LINGO2: variants seen among roughly 807,000 people sequenced by gnomAD.
The protein encoded by LINGO2 is leucine rich repeat and Ig domain containing 2.
LINGO2 carries 14 observed loss-of-function variants against 30.6 expected under a neutral mutation model. The ratio of observed to expected loss-of-function variants is 0.46; its 90% CI spans 0.30 to 0.72. The LOEUF (loss-of-function observed/expected upper bound fraction) is 0.72. LINGO2 is among the 30% of genes least tolerant of loss of function. The pLI, the probability that LINGO2 is intolerant of heterozygous loss-of-function variation, is 0.07. For missense variants in LINGO2, 729 were observed against 751.7 expected (o/e 0.97, Z 0.35); for synonymous variants, 317 against 288.5 (o/e 1.10, Z -1.00).
chr9:28,606,192 C>G (rs190046134), intron 1 of LINGO2, among the ~76,000 whole-genome samples: 1 of 151,936 alleles, frequency 6.6e-6, no homozygotes, highest in Non-Finnish European at 1.5e-5. Flanking sequence ...TAAATAGGGA[C>G]CATCTTTTAA....
At chr9:28,345,133 T>C (rs537790328) in intron 3 of LINGO2, among the ~76,000 whole-genome samples, 1 of 151,646 alleles carries the variant, frequency 6.6e-6, no homozygotes, top group African/African-American at 2.4e-5. Context: ...TACCTTGGAA[T>C]AGGGAATGAG....
intron 4 of LINGO2, among the ~76,000 whole-genome samples, chr9:28,275,189 C>T (rs1270192195): frequency 6.6e-6 from 1 of 152,086 alleles, no homozygotes; most frequent in East Asian, 1.9e-4. Flanking sequence ...CTGCCTCAGC[C>T]TCCCGAGTAG....
intron 1 of LINGO2, among the ~76,000 whole-genome samples, chr9:28,495,431 A>G (rs534947037): frequency 6.6e-5 from 10 of 152,316 alleles, no homozygotes; most frequent in East Asian, 3.9e-4. Context: ...AGCTTTCTAC[A>G]TATGGCTAGC....
the LINGO2 span, among the ~76,000 whole-genome samples, chr9:28,848,532 A>C: frequency 6.7e-6 from 1 of 149,306 alleles, no homozygotes; most frequent in Admixed American, 6.8e-5. Context: ...TTATTTTTCT[A>C]AGGCATTTCA....
chr9:28,693,243 T>C, the LINGO2 span, among the ~76,000 whole-genome samples: 1 of 152,142 alleles, frequency 6.6e-6, no homozygotes, highest in Non-Finnish European at 1.5e-5. Context: ...TGAGACATTT[T>C]AAACATACGA....
intron 4 of LINGO2, among the ~76,000 whole-genome samples, chr9:28,205,198 T>A (rs1329838336): frequency 6.6e-6 from 1 of 152,206 alleles, no homozygotes; most frequent in Non-Finnish European, 1.5e-5. Flanking sequence ...AAGAAATATT[T>A]GTGTTCAAAT....
intron 3 of LINGO2, among the ~76,000 whole-genome samples, chr9:28,298,472 C>T (rs1232918231): frequency 2.0e-5 from 3 of 149,452 alleles, no homozygotes; most frequent in Non-Finnish European, 4.4e-5. Flanking sequence ...AACCATCCTG[C>T]CCAACATGGT....
Position 28,129,022 on chromosome 9 carries a change from C to A in LINGO2, c.-86-116617G>T, listed in dbSNP as rs996304830. 2.6e-5 allele frequency among the ~76,000 whole-genome samples: 4 copies of A among 152,126 alleles called. No individual in the cohort carries two copies. Among genetic ancestry groups the A allele is most frequent in the African/African-American group, 4.8e-5 (2 of 41,418 alleles). Reference sequence around the variant, plus strand: ...CTTCATCTTTCTCCCATGCTCTATGCTTCCTGGCCTGAAACATCAGACTCC... The same window carrying A: ...CTTCATCTTTCTCCCATGCTCTATGATTCCTGGCCTGAAACATCAGACTCC... On this transcript the variant is annotated intron_variant, in intron 4 of 5. Coordinates refer to ENST00000379992, the Ensembl canonical transcript of LINGO2. This position sits in a 1 kb window ranked among gnomAD's most constrained non-coding sequence, Gnocchi z 4.0.
chr9:28,196,092 G>C (rs1820000112), intron 4 of LINGO2, among the ~76,000 whole-genome samples: 1 of 151,476 alleles, frequency 6.6e-6, no homozygotes, highest in Non-Finnish European at 1.5e-5. Flanking sequence ...ATACAAATAT[G>C]CTAACATCCT....
At chr9:28,466,089 T>C (rs144690593) in intron 2 of LINGO2, among the ~76,000 whole-genome samples, 50 of 152,186 alleles carry the variant, frequency 3.3e-4, no homozygotes, top group African/African-American at 1.1e-3. Flanking sequence ...AGCTACCATA[T>C]AATCCAGCTA....
chr9:28,607,361 G>T (rs1254455327), intron 1 of LINGO2, among the ~76,000 whole-genome samples: 1 of 151,896 alleles, frequency 6.6e-6, no homozygotes, highest in African/African-American at 2.4e-5. Flanking sequence ...TATCATGTTG[G>T]AATATACAGG....
chr9:28,130,848 T>C lies in LINGO2; in HGVS notation c.-86-118443A>G, dbSNP rs546718144. 8.5e-5 allele frequency among the ~76,000 whole-genome samples: 13 copies of C among 152,290 alleles called. No homozygotes were observed. Among genetic ancestry groups the C allele is most frequent in the African/African-American group, 3.1e-4 (13 of 41,572 alleles). On this transcript the variant is annotated intron_variant, in intron 4 of 5. Transcript: ENST00000379992. This position sits in a 1 kb window ranked among gnomAD's most constrained non-coding sequence, Gnocchi z 5.2. Reference sequence around the variant, plus strand: ...CTACAGAAGGAAGTTTATGTACATATGTTCCCATGAATGCGTTTGAGGCCT... The same window carrying C: ...CTACAGAAGGAAGTTTATGTACATACGTTCCCATGAATGCGTTTGAGGCCT...
the LINGO2 span, among the ~76,000 whole-genome samples, chr9:28,981,715 A>AATG: frequency 6.6e-6 from 1 of 152,134 alleles, no homozygotes; most frequent in Non-Finnish European, 1.5e-5. Context: ...TGTTTCAAAT[A>AATG]GTGCTCCAAT....
At chr9:28,242,987 A>C (rs1821855408) in intron 4 of LINGO2, among the ~76,000 whole-genome samples, 1 of 152,190 alleles carries the variant, frequency 6.6e-6, no homozygotes, top group Non-Finnish European at 1.5e-5. Context: ...TAAGTATGGA[A>C]AGGAAAAACC....
rs545358809 is a variant in LINGO2, at chr9:28,083,871, A to G, written c.-86-71466T>C. Reference sequence around the variant, plus strand: ...TAGTGTGAAGTCAAAGTGAAAAAGGAATAAAGAACAGTTAAGAGGATGTAT... The same window carrying G: ...TAGTGTGAAGTCAAAGTGAAAAAGGGATAAAGAACAGTTAAGAGGATGTAT... On this transcript the variant is annotated intron_variant, in intron 4 of 5. Transcript: ENST00000379992. Among the ~76,000 whole-genome samples the G allele has an allele frequency of 1.6e-4, 24 of 152,292 alleles. No individual in the cohort carries two copies. The South Asian group carries it at 5.0e-3, about 32-fold the overall frequency.
At chr9:28,008,990 T>A (rs1822410949) in intron 5 of LINGO2, among the ~76,000 whole-genome samples, 1 of 152,166 alleles carries the variant, frequency 6.6e-6, no homozygotes, top group Admixed American at 6.5e-5. Flanking sequence ...TTTGGATTAT[T>A]CACACTTACC....
chr9:29,149,982 G>C, the LINGO2 span, among the ~76,000 whole-genome samples: 3 of 152,112 alleles, frequency 2.0e-5, no homozygotes, highest in Admixed American at 1.3e-4. Context: ...TTATTGAAGG[G>C]GGCTTCCCCA....
chr9:28,131,731 G>T (rs1301812496), intron 4 of LINGO2, among the ~76,000 whole-genome samples: 6 of 152,022 alleles, frequency 3.9e-5, no homozygotes, highest in East Asian at 1.9e-4. Flanking sequence ...ATAATAAAAG[G>T]TTGCTGACCC....
chr9:28,446,591 T>A (rs1373653377), intron 2 of LINGO2, among the ~76,000 whole-genome samples: 1 of 152,210 alleles, frequency 6.6e-6, no homozygotes, highest in Non-Finnish European at 1.5e-5. Context: ...CTTTTGACTC[T>A]ATTCACTAAT....
Sources: gnomAD v4.1 joint callset for allele counts (sites outside exome capture counted in the v4.1 genomes callset) on GRCh38, gnomAD v4.1.1 for gene constraint, Gnocchi (gnomAD v3.1) non-coding constraint, MANE v1.5 for transcripts, NCBI Gene and HGNC (gene_info 2026-07-23, HGNC 2026-07-21) for gene names.